ARHGEF9: variants seen among roughly 807,000 people sequenced by gnomAD.
The protein encoded by ARHGEF9 is rho guanine nucleotide exchange factor 9.
Under a neutral mutation model 41.3 loss-of-function variants are expected in ARHGEF9, and 2 were observed. That is an observed-to-expected ratio of 0.05 (90% confidence interval 0.02 to 0.15). ARHGEF9 has a LOEUF of 0.15. ARHGEF9 is among the 10% of genes least tolerant of loss of function. ARHGEF9 has a pLI of 1.00. For missense variants in ARHGEF9, 225 were observed against 424.7 expected (o/e 0.53, Z 4.13); for synonymous variants, 160 against 154.4 (o/e 1.04, Z -0.27).
chrX:63,777,955 T>C (rs1255235533), intron 1 of ARHGEF9, among the ~76,000 whole-genome samples: 2 of 112,498 alleles, frequency 1.8e-5, no homozygotes, highest in African/African-American at 3.2e-5. Flanking sequence ...GTGCAAGCTA[T>C]TGAATCTATC....
intron 1 of ARHGEF9, among the ~76,000 whole-genome samples, chrX:63,768,869 G>A (rs1466295862): frequency 1.8e-5 from 2 of 112,106 alleles, no homozygotes; most frequent in African/African-American, 3.2e-5. Flanking sequence ...CCAGCCATGT[G>A]AAACTGTAAG....
Position 63,637,161 on chromosome X carries a change from C to T in ARHGEF9, c.*867G>A, listed in dbSNP as rs187023951. On this transcript the variant is annotated 3_prime_UTR_variant, in exon 10 of 10. Transcript: ENST00000671741. ...CTAACTCCTAGATGCAAAATTGCAA[C>T]GACCCAGAAGTGCTGCAACATGGGA... The T allele has an allele frequency of 1.4e-4, 40 of 295,709 alleles. No individual in the cohort carries two copies. In the South Asian group the frequency reaches 1.9e-3, roughly 14 times the overall value. The allele number at this position is 295,709 out of a possible 1,213,427, so 24.4% of individuals were successfully genotyped here. A position where few individuals can be genotyped will look rare whatever the true frequency, so the allele number is the denominator to read the frequency against.
At chrX:63,757,032 G>GA (rs2055945644) in intron 1 of ARHGEF9, among the ~76,000 whole-genome samples, 1 of 111,949 alleles carries the variant, frequency 8.9e-6, no homozygotes, top group African/African-American at 3.3e-5. Context: ...CCTCAATCCT[G>GA]AAATGCTCCT....
chrX:63,737,187 C>T (rs183439714), intron 1 of ARHGEF9: 2 of 111,961 alleles, frequency 1.8e-5, no homozygotes, highest in African/African-American at 6.5e-5. Context: ...ATCTCCCCCA[C>T]GACCAGATGA....
chrX:63,758,054 T>A (rs186476220), intron 1 of ARHGEF9, among the ~76,000 whole-genome samples: 290 of 111,449 alleles, frequency 2.6e-3, no homozygotes, highest in African/African-American at 8.6e-3. Context: ...TGTTGGGGTT[T>A]TTTTGTGTGT....
intron 9 of ARHGEF9, chrX:63,642,055 T>C (rs1218190908): frequency 8.9e-6 from 1 of 111,924 alleles, no homozygotes; most frequent in Non-Finnish European, 1.9e-5. Context: ...ACCTGGCGAT[T>C]GTGTGAGTTA....
At chrX:63,640,427 G>A (rs1281297644) in intron 9 of ARHGEF9, 2 of 111,224 alleles carry the variant, frequency 1.8e-5, no homozygotes, top group Admixed American at 9.6e-5. Flanking sequence ...ATTCTTTTTC[G>A]AGATCATTTT....
intron 3 of ARHGEF9, among the ~76,000 whole-genome samples, chrX:63,702,791 G>A (rs182906528): frequency 8.9e-6 from 1 of 111,979 alleles, no homozygotes; most frequent in Non-Finnish European, 1.9e-5. Context: ...AGCCTGGCTC[G>A]CTATCACAGT....
intron 1 of ARHGEF9, among the ~76,000 whole-genome samples, chrX:63,759,481 A>T (rs2055996385): frequency 9.0e-6 from 1 of 111,421 alleles, no homozygotes; most frequent in African/African-American, 3.3e-5. Flanking sequence ...CTCCCAAGAC[A>T]GCCCCTTCAT....
At chrX:63,680,347 A>T in intron 4 of ARHGEF9, among the ~76,000 whole-genome samples, 1 of 112,330 alleles carries the variant, frequency 8.9e-6, no homozygotes, top group Middle Eastern at 4.6e-3. Flanking sequence ...CCCCGTCCCC[A>T]TAGCTGGTAC....
At chrX:63,670,801 G>C (rs2049907452) in intron 6 of ARHGEF9, among the ~76,000 whole-genome samples, 1 of 111,915 alleles carries the variant, frequency 8.9e-6, no homozygotes, top group African/African-American at 3.3e-5. Flanking sequence ...AGGAGCCCTG[G>C]GGGGTGGGGT....
chrX:63,702,663 G>A (rs1556397001), intron 3 of ARHGEF9, among the ~76,000 whole-genome samples: 1 of 111,873 alleles, frequency 8.9e-6, no homozygotes, highest in Non-Finnish European at 1.9e-5. Context: ...AGTAGGAAGT[G>A]TTTAGAGCTC....
At chrX:63,680,468 C>T (rs1321701935) in intron 4 of ARHGEF9, among the ~76,000 whole-genome samples, 2 of 111,994 alleles carry the variant, frequency 1.8e-5, no homozygotes, top group African/African-American at 6.5e-5. Context: ...GCCCTAATGA[C>T]CAGCTTCAGT....
intron 1 of ARHGEF9, among the ~76,000 whole-genome samples, chrX:63,780,322 C>A (rs1446830099): frequency 9.0e-6 from 1 of 111,128 alleles, no homozygotes; most frequent in African/African-American, 3.3e-5. Flanking sequence ...AGCTGTTAAA[C>A]CTTGCAGTTG....
In ARHGEF9 at chrX:63,673,948, G is replaced by A. The variant is rs1556358719; in HGVS notation, c.945+90C>T. ...AAATCCTTACTGTTGCTCTTCAAAT[G>A]TAATTTCTCTTCACCTGTCCTTAGC... On this transcript the variant is annotated intron_variant, in intron 6 of 9. Transcript: ENST00000671741. The A allele has an allele frequency of 9.5e-5, 104 of 1,095,982 alleles. 1 individual carries two copies. The South Asian group carries it at 1.8e-3, about 19-fold the overall frequency. 90.3% of individuals were successfully genotyped at this position (1,095,982 alleles called of 1,213,427 possible). A position where few individuals can be genotyped will look rare whatever the true frequency, so the allele number is the denominator to read the frequency against.
At chrX:63,721,946 C>T (rs2053656711) in intron 2 of ARHGEF9, among the ~76,000 whole-genome samples, 1 of 111,700 alleles carries the variant, frequency 9.0e-6, no homozygotes, top group Admixed American at 9.5e-5. Flanking sequence ...ACAGAGGAGA[C>T]AGGTGTGAAT....
chrX:63,735,294 C>T lies in ARHGEF9; in HGVS notation c.31-10583G>A, dbSNP rs180802102. On this transcript the variant is annotated intron_variant, in intron 1 of 9. Coordinates refer to ENST00000671741, the MANE Select transcript of ARHGEF9 (RefSeq NM_001353921.2). ...GGGAGCTTTAACTTTTCCTGGACTA[C>T]GACTTGAAGCCAGGCCTTGGAGTTT... Among the ~76,000 whole-genome samples, 41 of 111,092 alleles carry T rather than the reference C, an allele frequency of 3.7e-4. 1 individual carries two copies. The highest frequency in any genetic ancestry group is 3.3e-3 in the Admixed American group (34 of 10,414).
At position 63,754,135 on chromosome X, in the gene ARHGEF9, G is replaced by A. The variant is rs1556444253; in HGVS notation, c.31-29424C>T. On this transcript the variant is annotated intron_variant, in intron 1 of 9. Coordinates refer to ENST00000671741, the MANE Select transcript of ARHGEF9 (RefSeq NM_001353921.2). ...GACAGCAAAGCCACTGTTTAAGGAC[G>A]CAGAGCTTGCTCCATGAACGCCACA... The A allele has an allele frequency of 7.5e-6, 4 of 531,187 alleles. No homozygotes were observed. The East Asian group carries it at 1.5e-4, about 19-fold the overall frequency. 43.8% of individuals were successfully genotyped at this position (531,187 alleles called of 1,213,427 possible).
intron 4 of ARHGEF9, among the ~76,000 whole-genome samples, chrX:63,692,738 T>C (rs1385281808): frequency 8.9e-6 from 1 of 111,787 alleles, no homozygotes; most frequent in Non-Finnish European, 1.9e-5. Flanking sequence ...AATCAATATG[T>C]CAGAAGAGAT....
Sources: gnomAD v4.1 joint callset for allele counts (sites outside exome capture counted in the v4.1 genomes callset) on GRCh38, gnomAD v4.1.1 for gene constraint, MANE v1.5 for transcripts, NCBI Gene and HGNC (gene_info 2026-07-23, HGNC 2026-07-21) for gene names.